Variants in FAXC observed in about 807,000 individuals in gnomAD.
The protein encoded by FAXC is failed axon connections homolog.
FAXC carries 10 observed loss-of-function variants against 41.9 expected under a neutral mutation model. That is an observed-to-expected ratio of 0.24 (90% confidence interval 0.15 to 0.41). The LOEUF (loss-of-function observed/expected upper bound fraction) is 0.41, where lower values mean the gene tolerates loss of function less well. Ranked by LOEUF, FAXC falls within the 10% of genes least tolerant of loss-of-function variation. The pLI, the probability that FAXC is intolerant of heterozygous loss-of-function variation, is 1.00. For missense variants in FAXC, 399 were observed against 510.9 expected, an observed-to-expected ratio of 0.78 and a Z score of 2.11; for synonymous variants, 183 against 183.8, an observed-to-expected ratio of 1.00 and a Z score of 0.03.
intron 1 of FAXC, among the ~76,000 whole-genome samples, 161 bp downstream of exon 1, chr6:99,348,946 G>C (rs576227088): frequency 1.3e-5 from 2 of 152,238 alleles, no homozygotes; most frequent in Non-Finnish European, 2.9e-5. Flanking sequence ...TGCCCCTCAC[G>C]GCCAGGTGAC....
At chr6:99,305,940 T>A (rs144052580) in intron 4 of FAXC, among the ~76,000 whole-genome samples, 2 of 152,052 alleles carry the variant, frequency 1.3e-5, no homozygotes, top group Non-Finnish European at 2.9e-5. Flanking sequence ...GGAGTTTACA[T>A]CACATGAAGA....
At chr6:99,295,889 G>C (rs191583617) in intron 4 of FAXC, among the ~76,000 whole-genome samples, 77 of 152,148 alleles carry the variant, frequency 5.1e-4, no homozygotes, top group African/African-American at 1.8e-3. Context: ...CTCAAACTTT[G>C]GCCTGCTAAT....
intron 4 of FAXC, among the ~76,000 whole-genome samples, chr6:99,298,549 C>T (rs1242121898): frequency 6.6e-6 from 1 of 152,154 alleles, no homozygotes; most frequent in Non-Finnish European, 1.5e-5. Context: ...AGGTAAATCA[C>T]ACAGCCATCT....
At chr6:99,319,116 G>T (rs746390307) in intron 4 of FAXC, among the ~76,000 whole-genome samples, 1 of 152,108 alleles carries the variant, frequency 6.6e-6, no homozygotes, top group South Asian at 2.1e-4. Flanking sequence ...AAGCAAACCC[G>T]GCCGGGCGCG....
intron 3 of FAXC, among the ~76,000 whole-genome samples, chr6:99,331,916 G>A (rs1167310812): frequency 2.0e-5 from 3 of 152,204 alleles, no homozygotes; most frequent in African/African-American, 7.2e-5. Context: ...GGTTCCCTGT[G>A]ACTGTGACTG....
intron 2 of FAXC, among the ~76,000 whole-genome samples, chr6:99,339,634 A>C (rs1316547418): frequency 2.6e-5 from 4 of 152,208 alleles, no homozygotes; most frequent in African/African-American, 4.8e-5. Flanking sequence ...GAAAACATTA[A>C]GAAGAAAAAT....
intron 4 of FAXC, among the ~76,000 whole-genome samples, chr6:99,315,475 C>T (rs182942628): frequency 6.6e-6 from 1 of 152,096 alleles, no homozygotes; most frequent in Non-Finnish European, 1.5e-5. Context: ...AATGTGTTCA[C>T]CACCAACCCT....
At chr6:99,314,160 C>T (rs1240162062) in intron 4 of FAXC, among the ~76,000 whole-genome samples, 1 of 152,134 alleles carries the variant, frequency 6.6e-6, no homozygotes, top group Non-Finnish European at 1.5e-5. Context: ...TGCCCCCACA[C>T]CCAGCCATCC....
At chr6:99,288,378 TGA>T (rs957495991) in intron 5 of FAXC, among the ~76,000 whole-genome samples, 3 of 152,038 alleles carry the variant, frequency 2.0e-5, no homozygotes, top group African/African-American at 7.3e-5. Flanking sequence ...TGAGTAGATG[TGA>T]GTGTGTATAT....
chr6:99,344,034 T>G (rs1315277429), intron 1 of FAXC, among the ~76,000 whole-genome samples: 1 of 152,180 alleles, frequency 6.6e-6, no homozygotes, highest in Non-Finnish European at 1.5e-5. Context: ...GGATTCCAAG[T>G]CTGGACAACT....
intron 4 of FAXC, among the ~76,000 whole-genome samples, chr6:99,310,761 CAT>C (rs1224889375): frequency 1.3e-5 from 2 of 152,206 alleles, no homozygotes; most frequent in Non-Finnish European, 2.9e-5. Flanking sequence ...AATGTGCTAA[CAT>C]GTGTGCGTAG....
intron 4 of FAXC, among the ~76,000 whole-genome samples, chr6:99,320,769 T>C (rs905963549): frequency 6.6e-6 from 1 of 152,190 alleles, no homozygotes; most frequent in Non-Finnish European, 1.5e-5. Flanking sequence ...TCCCAAAAAG[T>C]CCTTATTTTC....
chr6:99,345,398 G>A (rs942799389), intron 1 of FAXC, among the ~76,000 whole-genome samples: 6 of 152,176 alleles, frequency 3.9e-5, no homozygotes, highest in East Asian at 1.9e-4. Flanking sequence ...AGAGCTTACT[G>A]TCATATCCAA....
At chr6:99,347,733 C>T (rs1773652555) in intron 1 of FAXC, among the ~76,000 whole-genome samples, 1 of 152,234 alleles carries the variant, frequency 6.6e-6, no homozygotes, top group African/African-American at 2.4e-5. Flanking sequence ...TGAGAAACAA[C>T]TGGGTTACCA....
At chr6:99,332,156 T>C (rs1773048119) in intron 3 of FAXC, among the ~76,000 whole-genome samples, 1 of 151,518 alleles carries the variant, frequency 6.6e-6, no homozygotes, top group African/African-American at 2.4e-5. Flanking sequence ...GAATCAAAAG[T>C]AAAAAGAGAA....
chr6:99,338,887 A>G (rs1329794566), intron 2 of FAXC, among the ~76,000 whole-genome samples: 2 of 152,054 alleles, frequency 1.3e-5, no homozygotes, highest in Non-Finnish European at 2.9e-5. Flanking sequence ...AGTTATAAAG[A>G]TTCCCTTTCT....
In FAXC at chr6:99,278,956, A is replaced by G. The variant is rs1188943094; in HGVS notation, c.*2208T>C. ...ATCACACTTGGTACTGTACAGTAAG[A>G]TAGATTGTTCATAGAAAAAAATTCA... On this transcript the variant is annotated 3_prime_UTR_variant, in exon 6 of 6. Transcript: ENST00000389677. 2 of 152,224 alleles carry G rather than the reference A, an allele frequency of 1.3e-5. No individual in the cohort carries two copies. The highest frequency in any genetic ancestry group is 2.9e-5 in the Non-Finnish European group (2 of 68,042). 9.4% of individuals were successfully genotyped at this position (152,224 alleles called of 1,614,324 possible).
Position 99,274,770 on chromosome 6 carries a change from A to T in FAXC, c.*6394T>A, listed in dbSNP as rs1268896311. The T allele has an allele frequency of 6.6e-6, 1 of 152,242 alleles. No homozygotes were observed. The highest frequency in any genetic ancestry group is 1.5e-5 in the Non-Finnish European group (1 of 68,032). The allele number at this position is 152,242 out of a possible 1,614,324, so 9.4% of individuals were successfully genotyped here. ...ACAAATCCCAGGCATAATTTGTTAA[A>T]GATAAAAATACAATCATTTGGACAT... is the stretch of plus-strand genomic sequence containing the variant. On this transcript the variant is annotated 3_prime_UTR_variant, in exon 6 of 6. Coordinates refer to ENST00000389677, the MANE Select transcript of FAXC (RefSeq NM_032511.4).
Position 99,271,656 on chromosome 6 carries a change from TC to T in FAXC, c.*9507del, listed in dbSNP as rs1321858841. 6.6e-6 allele frequency: 1 copy of T among 152,152 alleles called. No homozygotes were observed. Among genetic ancestry groups the T allele is most frequent in the Non-Finnish European group, 1.5e-5 (1 of 68,034 alleles). 9.4% of individuals were successfully genotyped at this position (152,152 alleles called of 1,614,324 possible). On this transcript the variant is annotated 3_prime_UTR_variant, in exon 6 of 6. Coordinates refer to ENST00000389677, the MANE Select transcript of FAXC (RefSeq NM_032511.4). ...AAACCCAGATCCAAAACACTTCTGG[TC>T]CCAAGCACTTCAGATAAGAGATACT... is the stretch of plus-strand genomic sequence containing the variant.
Sources: allele counts gnomAD v4.1 joint callset (sites outside exome capture counted in the v4.1 genomes callset), GRCh38; gene constraint gnomAD v4.1.1; transcripts MANE v1.5; gene names NCBI Gene and HGNC (gene_info 2026-07-23, HGNC 2026-07-21).